CTNNA2: variants seen among roughly 807,000 people sequenced by gnomAD.
The protein encoded by CTNNA2 is catenin alpha 2.
In CTNNA2, 42 loss-of-function variants were observed where a neutral mutation model predicts 101.0. The ratio of observed to expected loss-of-function variants is 0.42; its 90% confidence interval spans 0.32 to 0.54. CTNNA2 has a LOEUF of 0.54. Among genes scored for constraint, CTNNA2 ranks in the 20% least tolerant of loss-of-function variants. The probability of loss-of-function intolerance (pLI) is 0.14; values close to 1 mark genes in which losing one functional copy is unlikely to be tolerated. For missense variants in CTNNA2, 871 were observed against 1,223.1 expected (o/e 0.71, Z 4.29); for synonymous variants, 450 against 456.4 (o/e 0.99, Z 0.18).
chr2:80,114,055 A>G (rs558331503), intron 7 of CTNNA2, among the ~76,000 whole-genome samples: 61 of 152,256 alleles, frequency 4.0e-4, no homozygotes, highest in African/African-American at 1.4e-3. Context: ...CCCCTTTCTG[A>G]TGGGCACTGA....
chr2:79,663,979 T>C (rs748612029), intron 2 of CTNNA2, among the ~76,000 whole-genome samples: 1 of 152,244 alleles, frequency 6.6e-6, no homozygotes, highest in Non-Finnish European at 1.5e-5. Context: ...TGTTGCAGTA[T>C]TTGTTTTACG....
chr2:80,564,235 A>G (rs1245547327), intron 12 of CTNNA2, among the ~76,000 whole-genome samples: 4 of 152,218 alleles, frequency 2.6e-5, no homozygotes, highest in Non-Finnish European at 5.9e-5. Flanking sequence ...ATTAGACTGT[A>G]TTTATTAAGC....
chr2:79,403,142 G>C, intron 4 of CTNNA2, among the ~76,000 whole-genome samples: 1 of 151,776 alleles, frequency 6.6e-6, no homozygotes, highest in South Asian at 2.1e-4. Flanking sequence ...AACATTATTG[G>C]ATCTAAGGAT....
chr2:79,569,505 G>A (rs1202693898), intron 1 of CTNNA2, among the ~76,000 whole-genome samples: 1 of 152,004 alleles, frequency 6.6e-6, no homozygotes, highest in Non-Finnish European at 1.5e-5. Flanking sequence ...GATATATGAA[G>A]GGATTCAGGT....
Position 79,333,967 on chromosome 2 carries a change from A to G in CTNNA2, c.-318+21171A>G, listed in dbSNP as rs371886203. Among the ~76,000 whole-genome samples the G allele has an allele frequency of 1.5e-3, 224 of 152,232 alleles. 2 individuals are homozygous for G. Among genetic ancestry groups the G allele is most frequent in the Middle Eastern group, 0.014 (4 of 294 alleles). On this transcript the variant is annotated intron_variant, in intron 3 of 21. Transcript: ENST00000466387. ...TATTATTTTTAATTGACACATAATAATTACACATACTTATGGAGTACTGTG... is the reference window on the plus strand; with the variant it reads ...TATTATTTTTAATTGACACATAATAGTTACACATACTTATGGAGTACTGTG...
intron 9 of CTNNA2, among the ~76,000 whole-genome samples, chr2:80,540,705 C>A (rs565264352): frequency 1.3e-5 from 2 of 151,032 alleles, no homozygotes; most frequent in African/African-American, 2.4e-5. Flanking sequence ...TTATTTTTTT[C>A]TTTTTTGGAG....
chr2:80,131,756 A>G (rs932372857), intron 7 of CTNNA2, among the ~76,000 whole-genome samples: 2 of 152,168 alleles, frequency 1.3e-5, no homozygotes, highest in Non-Finnish European at 2.9e-5. Context: ...CCTCAAGAGC[A>G]GTCCTTCTAA....
chr2:79,640,982 T>A (rs372352229), intron 1 of CTNNA2, among the ~76,000 whole-genome samples: 2 of 152,264 alleles, frequency 1.3e-5, no homozygotes, highest in African/African-American at 2.4e-5. Flanking sequence ...GATGTCAGTA[T>A]TTGGATATTG....
intron 15 of CTNNA2, chr2:80,601,778 T>C (rs893945492): frequency 2.0e-5 from 3 of 152,106 alleles, no homozygotes; most frequent in Non-Finnish European, 4.4e-5. Flanking sequence ...AATATCTGTT[T>C]GTAATTTTAT....
At chr2:80,361,002 G>C (rs1167666705) in intron 7 of CTNNA2, among the ~76,000 whole-genome samples, 3 of 151,664 alleles carry the variant, frequency 2.0e-5, no homozygotes, top group Non-Finnish European at 4.4e-5. Flanking sequence ...TTTTACCCTG[G>C]GAATGGATGG....
At chr2:80,311,970 A>G (rs1261295193) in intron 7 of CTNNA2, among the ~76,000 whole-genome samples, 1 of 152,188 alleles carries the variant, frequency 6.6e-6, no homozygotes, top group Non-Finnish European at 1.5e-5. Flanking sequence ...AACCTGTTTT[A>G]TGTCATAATT....
chr2:79,410,296 C>T (rs1678394305), intron 4 of CTNNA2, among the ~76,000 whole-genome samples: 1 of 143,064 alleles, frequency 7.0e-6, no homozygotes, highest in South Asian at 2.4e-4. Context: ...CCTTTATTTC[C>T]TTCTCCTGCC....
At chr2:79,803,006 CATATA>C (rs1485941906) in intron 3 of CTNNA2, among the ~76,000 whole-genome samples, 1 of 152,036 alleles carries the variant, frequency 6.6e-6, no homozygotes, top group Non-Finnish European at 1.5e-5. Context: ...TGTAATATTA[CATATA>C]ATGTAATGAA....
At chr2:80,082,201 A>G (rs1699195342) in intron 7 of CTNNA2, among the ~76,000 whole-genome samples, 1 of 152,094 alleles carries the variant, frequency 6.6e-6, no homozygotes, top group African/African-American at 2.4e-5. Context: ...TAGAGAATTA[A>G]TGGGATTTCT....
chr2:80,629,780 C>A (rs1366691085), intron 18 of CTNNA2, among the ~76,000 whole-genome samples: 3 of 152,124 alleles, frequency 2.0e-5, no homozygotes, highest in Non-Finnish European at 4.4e-5. Context: ...TTTTCTTCTC[C>A]AGTAGTGATA....
intron 7 of CTNNA2, among the ~76,000 whole-genome samples, chr2:80,107,494 C>T (rs1383619482): frequency 6.6e-6 from 1 of 152,134 alleles, no homozygotes; most frequent in African/African-American, 2.4e-5. Flanking sequence ...ATTACCTGCC[C>T]ATCCTGTCGC....
At chr2:79,685,067 A>T (rs1683842542) in intron 2 of CTNNA2, among the ~76,000 whole-genome samples, 1 of 152,176 alleles carries the variant, frequency 6.6e-6, no homozygotes, top group African/African-American at 2.4e-5. Context: ...GACCTATGGA[A>T]TATTATTAAT....
At chr2:80,183,304 C>A (rs888295219) in intron 7 of CTNNA2, among the ~76,000 whole-genome samples, 5 of 152,104 alleles carry the variant, frequency 3.3e-5, no homozygotes, top group African/African-American at 9.7e-5. Flanking sequence ...TAAAGGAAAG[C>A]AAATAAATGG....
At chr2:79,836,267 C>G (rs1417448622) in intron 3 of CTNNA2, among the ~76,000 whole-genome samples, 1 of 152,140 alleles carries the variant, frequency 6.6e-6, no homozygotes, top group African/African-American at 2.4e-5. Context: ...ATTAGAGACG[C>G]TTGATGTTCT....
Sources: allele counts gnomAD v4.1 joint callset (sites outside exome capture counted in the v4.1 genomes callset), GRCh38; gene constraint gnomAD v4.1.1; transcripts MANE v1.5; gene names NCBI Gene and HGNC (gene_info 2026-07-23, HGNC 2026-07-21).